PLD5: variants seen among roughly 807,000 people sequenced by gnomAD.
PLD5 encodes inactive phospholipase D5.
PLD5 carries 36 observed loss-of-function variants against 61.1 expected under a neutral mutation model. The observed-to-expected ratio is 0.59, with a 90% CI of 0.45 to 0.78. The LOEUF is 0.78. PLD5 is among the 30% of genes least tolerant of loss of function. PLD5 has a pLI of 0.00. For synonymous variants in PLD5, 243 were observed against 242.8 expected (o/e 1.00, Z -0.01); for missense variants, 515 against 644.4 (o/e 0.80, Z 2.17).
At chr1:242,477,368 G>A (rs575149017) in intron 1 of PLD5, among the ~76,000 whole-genome samples, 4 of 152,336 alleles carry the variant, frequency 2.6e-5, no homozygotes, top group African/African-American at 9.6e-5. Context: ...TCATATTCAT[G>A]TCACAGAAAC....
chr1:242,112,454 C>G (rs1042972672), intron 7 of PLD5, among the ~76,000 whole-genome samples: 2 of 152,094 alleles, frequency 1.3e-5, no homozygotes, highest in Admixed American at 6.5e-5. Context: ...CTGCCTCAGC[C>G]ACCTGAGTAG....
At chr1:242,152,084 A>G (rs1423522962) in intron 5 of PLD5, among the ~76,000 whole-genome samples, 1 of 151,904 alleles carries the variant, frequency 6.6e-6, no homozygotes, top group Non-Finnish European at 1.5e-5. Flanking sequence ...AAAGTTCAAG[A>G]CTCATCTCCC....
chr1:242,451,211 C>T (rs1666764509), intron 1 of PLD5, among the ~76,000 whole-genome samples: 1 of 152,146 alleles, frequency 6.6e-6, no homozygotes, highest in Admixed American at 6.5e-5. Flanking sequence ...TGAAGCGTCT[C>T]CCTTTCTTCT....
At chr1:242,353,219 G>A (rs1660572913) in intron 1 of PLD5, among the ~76,000 whole-genome samples, 2 of 152,138 alleles carry the variant, frequency 1.3e-5, no homozygotes, top group African/African-American at 2.4e-5. Context: ...TGTATACAGT[G>A]TATTTCTTTT....
At chr1:242,263,270 C>T (rs902496579) in intron 4 of PLD5, among the ~76,000 whole-genome samples, 1 of 151,544 alleles carries the variant, frequency 6.6e-6, no homozygotes, top group Non-Finnish European at 1.5e-5. Context: ...GCTGAAATTG[C>T]TCATGGCTTA....
intron 5 of PLD5, among the ~76,000 whole-genome samples, chr1:242,149,810 TC>T (rs1162989363): frequency 5.3e-5 from 8 of 151,732 alleles, no homozygotes; most frequent in Non-Finnish European, 7.4e-5. Flanking sequence ...GTCCTTAGGG[TC>T]TGTAGTGATG....
At chr1:242,387,609 A>G (rs867196592) in intron 1 of PLD5, among the ~76,000 whole-genome samples, 29 of 149,628 alleles carry the variant, frequency 1.9e-4, no homozygotes, top group African/African-American at 6.6e-4. Context: ...AAGAATACAT[A>G]TATATTTTGT....
chr1:242,275,820 T>A (rs1248443887), intron 3 of PLD5, among the ~76,000 whole-genome samples: 1 of 151,874 alleles, frequency 6.6e-6, no homozygotes, highest in East Asian at 1.9e-4. Flanking sequence ...ATAAATGGGG[T>A]CACATGATGA....
intron 5 of PLD5, among the ~76,000 whole-genome samples, chr1:242,155,081 T>C (rs981379226): frequency 4.6e-5 from 7 of 152,286 alleles, no homozygotes; most frequent in Admixed American, 4.6e-4. Context: ...TGGGAGGGTG[T>C]ATGTGTCCAG....
In PLD5 at chr1:242,089,426, G is replaced by T; in HGVS notation, c.*428C>A. Reference sequence around the variant, plus strand: ...AGACGATTTACAAGAATAAACACTTGGTTTTATCAGTCTCTTCTCCAAGGC... The same window carrying T: ...AGACGATTTACAAGAATAAACACTTTGTTTTATCAGTCTCTTCTCCAAGGC... On this transcript the variant is annotated 3_prime_UTR_variant, in exon 10 of 10. Transcript: ENST00000536534. The T allele has an allele frequency of 2.4e-6, 1 of 419,310 alleles. No individual in the cohort carries two copies. The highest frequency in any genetic ancestry group is 4.2e-6 in the Non-Finnish European group (1 of 238,146). The allele number at this position is 419,310 out of a possible 1,614,324, so 26.0% of individuals were successfully genotyped here. A position where few individuals can be genotyped will look rare whatever the true frequency, so the allele number is the denominator to read the frequency against.
chr1:242,251,967 T>C (rs1292118775), intron 4 of PLD5, among the ~76,000 whole-genome samples: 1 of 152,026 alleles, frequency 6.6e-6, no homozygotes, highest in African/African-American at 2.4e-5. Context: ...TAGCCTCTAG[T>C]TTTGTTTGTT....
intron 2 of PLD5, among the ~76,000 whole-genome samples, chr1:242,329,256 C>T (rs1156854783): frequency 1.3e-5 from 2 of 152,098 alleles, no homozygotes; most frequent in Non-Finnish European, 2.9e-5. Context: ...GTGATCTACC[C>T]GACTCAGCCT....
At chr1:242,144,685 G>T (rs956569841) in intron 5 of PLD5, among the ~76,000 whole-genome samples, 21 of 152,210 alleles carry the variant, frequency 1.4e-4, no homozygotes, top group Admixed American at 4.6e-4. Flanking sequence ...GGAGGCTGAG[G>T]CAGGAGGATC....
chr1:242,405,212 A>G (rs1386632641), intron 1 of PLD5, among the ~76,000 whole-genome samples: 1 of 152,060 alleles, frequency 6.6e-6, no homozygotes, highest in Non-Finnish European at 1.5e-5. Flanking sequence ...ATATTCTCCC[A>G]TGAACAGCCT....
rs1416270097 is a variant in PLD5 at position 242,440,957 on chromosome 1, C to A, written c.189+83131G>T. 8.5e-5 allele frequency among the ~76,000 whole-genome samples: 13 copies of A among 152,220 alleles called. No homozygotes were observed. The East Asian group carries it at 1.9e-3, about 23-fold the overall frequency. ...TTAAATTTGCATGTACAAAGATGCCCATTCAGCATTATTATAAATAGTAAT... is the reference window on the plus strand; with the variant it reads ...TTAAATTTGCATGTACAAAGATGCCAATTCAGCATTATTATAAATAGTAAT... On this transcript the variant is annotated intron_variant, in intron 1 of 9. Transcript: ENST00000536534.
At chr1:242,461,575 A>G (rs891605394) in intron 1 of PLD5, among the ~76,000 whole-genome samples, 2 of 152,270 alleles carry the variant, frequency 1.3e-5, no homozygotes, top group African/African-American at 4.8e-5. Context: ...GAAAATCAAT[A>G]GAGTGATTTA....
chr1:242,304,015 A>C (rs181462312), intron 2 of PLD5, among the ~76,000 whole-genome samples: 17 of 152,222 alleles, frequency 1.1e-4, no homozygotes, highest in African/African-American at 3.9e-4. Flanking sequence ...GCTAAATGAG[A>C]AGCTGACTGA....
At position 242,124,582 on chromosome 1, in the gene PLD5, T is replaced by C; in HGVS notation, c.819A>G (p.Leu273=). The C allele has an allele frequency of 6.2e-7, 1 of 1,613,976 alleles. No individual in the cohort carries two copies. The highest frequency in any genetic ancestry group is 8.5e-7 in the Non-Finnish European group (1 of 1,179,852). Residue 273 remains leucine, a synonymous_variant, in exon 6 of 10, where the codon TTA becomes TTG. Transcript: ENST00000536534. ...TTTGAGGCACTCTGCTTTTGAATTT[T>C]AATGAACTATATAGAGCAAATATCC... ...LQRIFALYSS[L]KFKSRVPQTW...
chr1:242,172,190 G>T (rs1427372209), intron 5 of PLD5, among the ~76,000 whole-genome samples: 1 of 152,164 alleles, frequency 6.6e-6, no homozygotes, highest in African/African-American at 2.4e-5. Flanking sequence ...TCAGACCACA[G>T]TGCAATCAAA....
Sources: allele counts gnomAD v4.1 joint callset (sites outside exome capture counted in the v4.1 genomes callset), GRCh38; gene constraint gnomAD v4.1.1; transcripts MANE v1.5; gene names NCBI Gene and HGNC (gene_info 2026-07-23, HGNC 2026-07-21).